Variants in OR7E24 observed in about 807,000 individuals in gnomAD.
OR7E24 encodes olfactory receptor family 7 subfamily E member 24.
For missense variants in OR7E24, 385 were observed against 410.3 expected, an observed-to-expected ratio of 0.94 and a Z score of 0.53; for synonymous variants, 130 against 157.5, an observed-to-expected ratio of 0.83 and a Z score of 1.31.
chr19:9,228,205 G>A, the OR7E24 span, among the ~76,000 whole-genome samples: 3 of 151,986 alleles, frequency 2.0e-5, no homozygotes, highest in Non-Finnish European at 4.4e-5. Flanking sequence ...TTTAATAATA[G>A]CCATTCTCAC....
the OR7E24 span, among the ~76,000 whole-genome samples, chr19:9,228,686 A>G: frequency 6.6e-6 from 1 of 152,222 alleles, no homozygotes; most frequent in Non-Finnish European, 1.5e-5. Context: ...CACCAGGACA[A>G]AACCTACTCA....
chr19:9,214,223 C>T, the OR7E24 span: 1 of 1,614,154 alleles, frequency 6.2e-7, no homozygotes, highest in Admixed American at 1.7e-5. Context: ...ACACACCCAG[C>T]AGTGCCGTGG....
chr19:9,213,956 G>C, the OR7E24 span: 6 of 1,613,972 alleles, frequency 3.7e-6, no homozygotes, highest in South Asian at 4.4e-5. Flanking sequence ...TCACATCCTT[G>C]TTCCTCAGGC....
the OR7E24 span, chr19:9,213,869 G>A: frequency 6.6e-7 from 1 of 1,510,782 alleles, no homozygotes. Flanking sequence ...GGTACGCAGT[G>A]TGTCCTCTTA....
chr19:9,219,750 C>A, the OR7E24 span, among the ~76,000 whole-genome samples: 1 of 152,128 alleles, frequency 6.6e-6, no homozygotes, highest in African/African-American at 2.4e-5. Flanking sequence ...GAGTTTGGCT[C>A]CCTTTGAGTA....
chr19:9,235,440 T>C, the OR7E24 span: 6 of 1,606,514 alleles, frequency 3.7e-6, no homozygotes, highest in Non-Finnish European at 5.1e-6. Flanking sequence ...GGTGCCTCAC[T>C]CAGGTGTATT....
chr19:9,219,196 A>G, the OR7E24 span: 1 of 152,250 alleles, frequency 6.6e-6, no homozygotes, highest in South Asian at 2.1e-4. Flanking sequence ...CACATAGACA[A>G]TACCTTGAGC....
the OR7E24 span, among the ~76,000 whole-genome samples, chr19:9,237,199 CCTT>C: frequency 6.6e-6 from 1 of 152,144 alleles, no homozygotes; most frequent in South Asian, 2.1e-4. Context: ...TTGCTTTTGT[CCTT>C]CTTACTTCTC....
chr19:9,251,876 T>C lies in OR7E24; in HGVS notation c.833T>C (p.Leu278Pro). ...TATGGAACAGGGCTTGTAGGGTACCTCAGTTCAGCTGTGTTACCATCCCCC... is the reference window on the plus strand; with the variant it reads ...TATGGAACAGGGCTTGTAGGGTACCCCAGTTCAGCTGTGTTACCATCCCCC... ...LFYGTGLVGYLSSAVLPSPRK... is the reference protein window; with the variant it reads ...LFYGTGLVGYPSSAVLPSPRK... Residue 278 changes from leucine (L) to proline (P), a missense_variant, in exon 1 of 1, where the codon CTC (leucine) becomes CCC (proline). Physicochemically the swap from Leu to Pro is moderately conservative, Grantham distance 98. Coordinates refer to ENST00000456448, the MANE Select transcript of OR7E24 (RefSeq NM_001079935.2). 6.2e-7 allele frequency: 1 copy of C among 1,614,150 alleles called. No homozygotes were observed. The highest frequency in any genetic ancestry group is 2.2e-5 in the East Asian group (1 of 44,888).
At chr19:9,223,032 T>A in the OR7E24 span, among the ~76,000 whole-genome samples, 1 of 152,362 alleles carries the variant, frequency 6.6e-6, no homozygotes, top group East Asian at 1.9e-4. Context: ...TGTCAAATGT[T>A]TTTTTCTGCA....
the OR7E24 span, among the ~76,000 whole-genome samples, chr19:9,238,400 T>C: frequency 2.0e-5 from 3 of 152,342 alleles, no homozygotes; most frequent in South Asian, 4.1e-4. Context: ...TTTGTATATC[T>C]GCTATGAATC....
At chr19:9,229,140 C>G in the OR7E24 span, among the ~76,000 whole-genome samples, 1 of 152,142 alleles carries the variant, frequency 6.6e-6, no homozygotes, top group Non-Finnish European at 1.5e-5. Context: ...GCCTCTATAA[C>G]CTTGTGGACA....
chr19:9,250,011 T>C (rs901334914), upstream of OR7E24, among the ~76,000 whole-genome samples: 2 of 152,316 alleles, frequency 1.3e-5, no homozygotes, highest in African/African-American at 4.8e-5. Flanking sequence ...TGTTCTGTCA[T>C]CCACAGGTAC....
the OR7E24 span, among the ~76,000 whole-genome samples, chr19:9,232,399 G>T: frequency 1.3e-5 from 2 of 152,006 alleles, no homozygotes; most frequent in African/African-American, 4.8e-5. Flanking sequence ...TTAGCCAGGC[G>T]TGGTGGTGTG....
At chr19:9,230,374 A>C in the OR7E24 span, among the ~76,000 whole-genome samples, 1 of 152,156 alleles carries the variant, frequency 6.6e-6, no homozygotes, top group Non-Finnish European at 1.5e-5. Context: ...AAGGTACTTT[A>C]GTTTTCACCA....
At chr19:9,237,055 G>A in the OR7E24 span, among the ~76,000 whole-genome samples, 1 of 152,098 alleles carries the variant, frequency 6.6e-6, no homozygotes, top group East Asian at 1.9e-4. Context: ...TTGCTGACCC[G>A]AATTTCATAA....
At chr19:9,236,045 T>C in the OR7E24 span, 4 of 1,601,428 alleles carry the variant, frequency 2.5e-6, no homozygotes, top group East Asian at 6.7e-5. Flanking sequence ...AAGGGGGCCC[T>C]GGGGAGACTC....
chr19:9,236,990 T>C, the OR7E24 span, among the ~76,000 whole-genome samples: 8 of 152,212 alleles, frequency 5.3e-5, no homozygotes, highest in South Asian at 1.7e-3. Context: ...GAGGAAGAGA[T>C]TGAGTTGAGG....
the OR7E24 span, among the ~76,000 whole-genome samples, chr19:9,220,619 G>A: frequency 1.3e-5 from 2 of 152,142 alleles, no homozygotes; most frequent in Non-Finnish European, 2.9e-5. Flanking sequence ...TTTATTTGCA[G>A]ACAACTAGGT....
Sources: gnomAD v4.1 joint callset for allele counts (sites outside exome capture counted in the v4.1 genomes callset) on GRCh38, gnomAD v4.1.1 for gene constraint, MANE v1.5 for transcripts, NCBI Gene and HGNC (gene_info 2026-07-23, HGNC 2026-07-21) for gene names.